The following PROM1 variants were observed in gnomAD, a reference collection of about 807,000 sequenced individuals.
PROM1 encodes the protein prominin 1.
A neutral mutation model predicts 116.9 loss-of-function variants in PROM1; 105 were observed. The observed-to-expected ratio is 0.90, with a 90% CI of 0.77 to 1.06. The LOEUF (loss-of-function observed/expected upper bound fraction) is 1.06. Among genes scored for constraint, PROM1 ranks in the 50% least tolerant of loss-of-function variants. The pLI, the probability that PROM1 is intolerant of heterozygous loss-of-function variation, is 0.00. For missense variants in PROM1, 1,122 were observed against 1,045.2 expected (o/e 1.07, Z -1.01); for synonymous variants, 393 against 387.0 (o/e 1.02, Z -0.18).
intron 8 of PROM1, among the ~76,000 whole-genome samples, chr4:16,020,960 C>T (rs1166406529): frequency 6.6e-6 from 1 of 152,040 alleles, no homozygotes; most frequent in Non-Finnish European, 1.5e-5. Flanking sequence ...TACTTAATTA[C>T]CATTTTGCCA....
In PROM1 at chr4:16,004,930, C is replaced by T. The variant is rs147628612; in HGVS notation, c.1454+1608G>A. ...CCCTTCCTTCCTTCCTTCCTTCCTT[C>T]CTCTTTCTTTTTTTCTTTATTTCTC... On this transcript the variant is annotated intron_variant, in intron 13 of 27. Transcript: ENST00000447510. Among the ~76,000 whole-genome samples, 212 of 85,676 alleles carry T rather than the reference C, an allele frequency of 2.5e-3. 1 individual carries two copies. Among genetic ancestry groups the T allele is most frequent in the Middle Eastern group, 0.011 (2 of 174 alleles). 56.2% of individuals were successfully genotyped at this position (85,676 alleles called of 152,430 possible).
chr4:15,981,087 GAGT>G (rs1417436679), intron 23 of PROM1, among the ~76,000 whole-genome samples: 1 of 151,196 alleles, frequency 6.6e-6, no homozygotes, highest in Non-Finnish European at 1.5e-5. Context: ...TCAGCCTCCT[GAGT>G]AGCTGGGGCT....
At chr4:15,971,796 T>C (rs996243715) in intron 26 of PROM1, 1 of 152,326 alleles carries the variant, frequency 6.6e-6, no homozygotes, top group African/African-American at 2.4e-5. Flanking sequence ...GGGGAGGACA[T>C]GCACGGAGGA....
chr4:16,063,215 G>C (rs1399343620), intron 2 of PROM1, among the ~76,000 whole-genome samples: 1 of 152,180 alleles, frequency 6.6e-6, no homozygotes, highest in Non-Finnish European at 1.5e-5. Context: ...GCAGCCTAAG[G>C]GAAATAGTGT....
chr4:15,970,968 T>C, intron 27 of PROM1, 75 bp downstream of exon 27: 1 of 1,147,392 alleles, frequency 8.7e-7, no homozygotes, highest in Non-Finnish European at 1.3e-6. Flanking sequence ...GTATTAGGAA[T>C]AGCTATGTTT....
At chr4:15,981,055 G>A (rs1302886875) in intron 23 of PROM1, among the ~76,000 whole-genome samples, 1 of 151,336 alleles carries the variant, frequency 6.6e-6, no homozygotes, top group Non-Finnish European at 1.5e-5. Flanking sequence ...TCCGCCTCCT[G>A]GGTTCATGCC....
chr4:16,003,140 A>G (rs764586165), intron 13 of PROM1: 16 of 371,436 alleles, frequency 4.3e-5, no homozygotes, highest in Admixed American at 1.2e-4. Context: ...GCATTATCTT[A>G]GAAACTTTTG....
intron 10 of PROM1, among the ~76,000 whole-genome samples, chr4:16,015,077 G>T (rs986188750): frequency 1.3e-5 from 2 of 152,214 alleles, no homozygotes; most frequent in Admixed American, 1.3e-4. Context: ...CGGGCGTGAC[G>T]GCTCATGCCT....
intron 2 of PROM1, among the ~76,000 whole-genome samples, chr4:16,072,671 A>G (rs1168299536): frequency 6.6e-6 from 1 of 152,236 alleles, no homozygotes; most frequent in Non-Finnish European, 1.5e-5. Context: ...TTGCAGGACT[A>G]AAAAATTAGC....
intron 13 of PROM1, among the ~76,000 whole-genome samples, chr4:16,003,759 T>C (rs147375732): frequency 6.6e-6 from 1 of 152,238 alleles, no homozygotes; most frequent in East Asian, 1.9e-4. Flanking sequence ...AAGACCAATC[T>C]GGGCAACAAA....
At chr4:15,972,250 C>T (rs1714749366) in intron 26 of PROM1, among the ~76,000 whole-genome samples, 1 of 152,154 alleles carries the variant, frequency 6.6e-6, no homozygotes, top group Non-Finnish European at 1.5e-5. Flanking sequence ...TAAGCAGTGT[C>T]TTAGTATGTT....
intron 2 of PROM1, among the ~76,000 whole-genome samples, chr4:16,070,545 T>C (rs1332085054): frequency 1.3e-5 from 2 of 152,186 alleles, no homozygotes; most frequent in African/African-American, 4.8e-5. Flanking sequence ...TTGGGGCCAG[T>C]CTAGAACAAA....
rs1005189929 is a variant in PROM1 at position 16,045,097 on chromosome 4, G to T, written c.221-6096C>A. On this transcript the variant is annotated intron_variant, in intron 2 of 27. Transcript: ENST00000447510. ...CTTCAACACTCCACTCTTCCCTGCC[G>T]GCCCTCAGCAAGTGGCACAGAATGA... is the stretch of plus-strand genomic sequence containing the variant. Among the ~76,000 whole-genome samples, 481 of 152,116 alleles carry T rather than the reference G, an allele frequency of 3.2e-3. 4 individuals are homozygous for T. The highest frequency in any genetic ancestry group is 0.011 in the African/African-American group (450 of 41,484).
At chr4:16,067,858 C>T (rs938104207) in intron 2 of PROM1, among the ~76,000 whole-genome samples, 2 of 152,158 alleles carry the variant, frequency 1.3e-5, no homozygotes, top group Non-Finnish European at 2.9e-5. Context: ...ACAGACGACC[C>T]CGGCCACGTG....
chr4:15,977,662 G>A (rs543272185), intron 26 of PROM1, among the ~76,000 whole-genome samples: 1 of 152,132 alleles, frequency 6.6e-6, no homozygotes, highest in Non-Finnish European at 1.5e-5. Flanking sequence ...GCAGTGGCAC[G>A]ATCTCAGCTC....
chr4:16,076,589 C>T (rs1743999732), intron 1 of PROM1: 1 of 152,376 alleles, frequency 6.6e-6, no homozygotes, highest in African/African-American at 2.4e-5. Context: ...GTCAAACCCA[C>T]TAGTTTGCCT....
intron 26 of PROM1, among the ~76,000 whole-genome samples, chr4:15,977,203 C>CTG (rs1356514096): frequency 6.6e-6 from 1 of 151,776 alleles, no homozygotes; most frequent in Non-Finnish European, 1.5e-5. Flanking sequence ...GCATCTCTCT[C>CTG]TCTAGCATCT....
chr4:15,985,523 G>C (rs570821471), intron 22 of PROM1: 3 of 482,302 alleles, frequency 6.2e-6, no homozygotes, highest in Non-Finnish European at 1.1e-5. Flanking sequence ...GAAAAAGGGG[G>C]TGGGAAGCAA....
intron 22 of PROM1, 62 bp downstream of exon 22, chr4:15,985,698 C>T: frequency 2.6e-6 from 3 of 1,156,002 alleles, no homozygotes. Context: ...AGATTTTACC[C>T]TAGAAAATGG....
Sources: allele counts gnomAD v4.1 joint callset (sites outside exome capture counted in the v4.1 genomes callset), GRCh38; gene constraint gnomAD v4.1.1; transcripts MANE v1.5; gene names NCBI Gene and HGNC (gene_info 2026-07-23, HGNC 2026-07-21).